Variants in ADGRL2 observed in about 807,000 individuals in gnomAD.
ADGRL2 encodes adhesion G protein-coupled receptor L2, also known as calcium-independent alpha-latrotoxin receptor 2.
Under a neutral mutation model 157.4 loss-of-function variants are expected in ADGRL2, and 44 were observed. That is an observed-to-expected ratio of 0.28 (90% confidence interval 0.22 to 0.36). The LOEUF (loss-of-function observed/expected upper bound fraction) is 0.36, where lower values mean the gene tolerates loss of function less well. Among genes scored for constraint, ADGRL2 ranks in the 10% least tolerant of loss-of-function variants. The pLI, the probability that ADGRL2 is intolerant of heterozygous loss-of-function variation, is 1.00. For synonymous variants in ADGRL2, 585 were observed against 624.7 expected, an observed-to-expected ratio of 0.94 and a Z score of 0.95; for missense variants, 1,510 against 1,768.9, an observed-to-expected ratio of 0.85 and a Z score of 2.63.
chr1:81,713,543 C>A (rs77386776), intron 1 of ADGRL2, among the ~76,000 whole-genome samples: 3,361 of 152,242 alleles, frequency 0.022, 110 homozygotes, highest in African/African-American at 0.076. Flanking sequence ...TGAGTATCGA[C>A]CATGTGCTGA....
chr1:81,443,325 G>A (rs1258821259), intron 1 of ADGRL2, among the ~76,000 whole-genome samples: 1 of 151,960 alleles, frequency 6.6e-6, no homozygotes, highest in Non-Finnish European at 1.5e-5. Flanking sequence ...AGGAGGCTGA[G>A]GCAGGAGAAT....
At chr1:81,497,914 A>G (rs1360868806) in intron 2 of ADGRL2, among the ~76,000 whole-genome samples, 1 of 152,232 alleles carries the variant, frequency 6.6e-6, no homozygotes, top group African/African-American at 2.4e-5. Context: ...TGCTGACAGA[A>G]TAGGTATGGC....
chr1:81,340,529 A>AATT (rs150860508), intron 1 of ADGRL2, among the ~76,000 whole-genome samples: 350 of 152,258 alleles, frequency 2.3e-3, no homozygotes, highest in African/African-American at 7.8e-3. Flanking sequence ...TGTCAAAGGA[A>AATT]ATTACTCATT....
intron 2 of ADGRL2, among the ~76,000 whole-genome samples, chr1:81,461,819 C>T (rs2101807042): frequency 6.6e-6 from 1 of 150,636 alleles, no homozygotes; most frequent in East Asian, 2.0e-4. Context: ...GGAAAACTGT[C>T]CAGGAATAAA....
chr1:81,708,884 C>A (rs2083830850), intron 1 of ADGRL2, among the ~76,000 whole-genome samples: 1 of 152,060 alleles, frequency 6.6e-6, no homozygotes. Context: ...AACTTGCTTA[C>A]CTTGCCTTGA....
chr1:81,818,332 ATAAT>A (rs1181419152), intron 1 of ADGRL2, among the ~76,000 whole-genome samples: 1 of 152,192 alleles, frequency 6.6e-6, no homozygotes, highest in Non-Finnish European at 1.5e-5. Context: ...ATTTACTTTA[ATAAT>A]TCACAGCATT....
chr1:81,555,871 C>G (rs1378017113), intron 2 of ADGRL2, among the ~76,000 whole-genome samples: 1 of 152,102 alleles, frequency 6.6e-6, no homozygotes, highest in African/African-American at 2.4e-5. Flanking sequence ...CAAGCTTTAG[C>G]CCCTTGTAGC....
intron 2 of ADGRL2, among the ~76,000 whole-genome samples, chr1:81,553,617 TA>T (rs1432162096): frequency 6.6e-6 from 1 of 152,206 alleles, no homozygotes; most frequent in Non-Finnish European, 1.5e-5. Context: ...ACCACTCATT[TA>T]AAAATCTATT....
rs115667156 is a variant in ADGRL2, at chr1:81,765,195, G to A, written c.-101+3343G>A. ...GCCAAATTCACACAGATTTGTATATGGAAATTTATATTTCTAATAGGTTTA... is the reference window on the plus strand; with the variant it reads ...GCCAAATTCACACAGATTTGTATATAGAAATTTATATTTCTAATAGGTTTA... On this transcript the variant is annotated intron_variant, in intron 2 of 20. Coordinates refer to the ADGRL2 transcript ENST00000359929. 2.9e-3 allele frequency among the ~76,000 whole-genome samples: 444 copies of A among 151,908 alleles called. 3 individuals carry two copies. The highest frequency in any genetic ancestry group is 0.01 in the African/African-American group (430 of 41,474).
chr1:81,757,078 C>A (rs1449240792), intron 1 of ADGRL2, among the ~76,000 whole-genome samples: 2 of 152,116 alleles, frequency 1.3e-5, no homozygotes, highest in African/African-American at 4.8e-5. Flanking sequence ...TCACCAGAGA[C>A]TGTGTTGGAG....
intron 2 of ADGRL2, among the ~76,000 whole-genome samples, chr1:81,859,407 T>C (rs1460611062): frequency 1.1e-4 from 4 of 35,328 alleles, no homozygotes; most frequent in Admixed American, 8.2e-4. Context: ...GAATAAAACC[T>C]TTTTTTTTTT....
intron 1 of ADGRL2, among the ~76,000 whole-genome samples, chr1:81,344,112 C>T (rs980265373): frequency 2.6e-5 from 4 of 151,984 alleles, no homozygotes; most frequent in African/African-American, 7.3e-5. Context: ...CTCTGTTTCC[C>T]GGCCAGAGTG....
intron 2 of ADGRL2, among the ~76,000 whole-genome samples, chr1:81,842,428 G>A (rs968455186): frequency 2.4e-5 from 3 of 124,874 alleles, no homozygotes; most frequent in Non-Finnish European, 3.2e-5. Flanking sequence ...GATGATCTCC[G>A]CTCACTGAAA....
At chr1:81,396,404 C>T (rs2076655919) in intron 1 of ADGRL2, among the ~76,000 whole-genome samples, 2 of 152,202 alleles carry the variant, frequency 1.3e-5, no homozygotes, top group Admixed American at 1.3e-4. Flanking sequence ...TTGTTAAGAG[C>T]TTTTAGGGTT....
intron 1 of ADGRL2, among the ~76,000 whole-genome samples, chr1:81,337,170 G>C (rs1482829691): frequency 2.0e-5 from 3 of 152,076 alleles, no homozygotes; most frequent in Admixed American, 6.5e-5. Context: ...AAAATTCCTG[G>C]CATTTATCAT....
At chr1:81,965,421 G>C (rs767485770) in intron 11 of ADGRL2, among the ~76,000 whole-genome samples, 4 of 152,106 alleles carry the variant, frequency 2.6e-5, no homozygotes, top group Non-Finnish European at 5.9e-5. Flanking sequence ...AAAGACTGAT[G>C]GTTACTAGTG....
At chr1:81,690,228 C>T (rs1043199844) in intron 3 of ADGRL2, among the ~76,000 whole-genome samples, 1 of 152,210 alleles carries the variant, frequency 6.6e-6, no homozygotes, top group Non-Finnish European at 1.5e-5. Context: ...CATAGTGGCT[C>T]ACACCTGTAA....
At chr1:81,684,484 G>A (rs533969442) in intron 3 of ADGRL2, among the ~76,000 whole-genome samples, 21 of 152,140 alleles carry the variant, frequency 1.4e-4, no homozygotes, top group African/African-American at 4.8e-4. Context: ...GGGATGGTTT[G>A]TTTTTCTCTT....
intron 1 of ADGRL2, among the ~76,000 whole-genome samples, chr1:81,317,957 A>T (rs920755138): frequency 6.6e-6 from 1 of 152,146 alleles, no homozygotes; most frequent in African/African-American, 2.4e-5. Flanking sequence ...ACATTCCGTG[A>T]TTGTATCATA....
Sources: gnomAD v4.1 joint callset for allele counts (sites outside exome capture counted in the v4.1 genomes callset) on GRCh38, gnomAD v4.1.1 for gene constraint, MANE v1.5 for transcripts, NCBI Gene and HGNC (gene_info 2026-07-23, HGNC 2026-07-21) for gene names.